Variants in TUBA1C observed in about 807,000 individuals in gnomAD.
The protein encoded by TUBA1C is tubulin alpha-1C chain.
TUBA1C carries 16 observed loss-of-function variants against 34.9 expected under a neutral mutation model. The observed-to-expected ratio is 0.46, with a 90% CI of 0.31 to 0.70. The LOEUF (loss-of-function observed/expected upper bound fraction) is 0.70, where lower values mean the gene tolerates loss of function less well. Among genes scored for constraint, TUBA1C ranks in the 30% least tolerant of loss-of-function variants. The pLI is 0.05. For synonymous variants in TUBA1C, 177 were observed against 215.9 expected, an observed-to-expected ratio of 0.82 and a Z score of 1.58; for missense variants, 329 against 587.3, an observed-to-expected ratio of 0.56 and a Z score of 4.55.
At chr12:49,239,040 C>A (rs1350454549) in intron 1 of TUBA1C, among the ~76,000 whole-genome samples, 1 of 152,172 alleles carries the variant, frequency 6.6e-6, no homozygotes, top group East Asian at 1.9e-4. Context: ...AAGTTCCAGC[C>A]CTCTGGGAAT....
At chr12:49,269,012 T>C (rs1942952748) in intron 1 of TUBA1C, among the ~76,000 whole-genome samples, 1 of 152,192 alleles carries the variant, frequency 6.6e-6, no homozygotes, top group East Asian at 1.9e-4. Context: ...TCTTCAAAGA[T>C]TTTTGCTTTT....
chr12:49,268,697 T>C (rs1942948534), intron 1 of TUBA1C, among the ~76,000 whole-genome samples: 1 of 152,242 alleles, frequency 6.6e-6, no homozygotes, highest in Admixed American at 6.5e-5. Context: ...CCACAGTTTT[T>C]AAAATACAGC....
chr12:49,255,562 T>C (rs908724701), intron 1 of TUBA1C, among the ~76,000 whole-genome samples: 17 of 151,958 alleles, frequency 1.1e-4, no homozygotes, highest in African/African-American at 4.1e-4. Context: ...GATTCGTCTT[T>C]TCTTTTTGTT....
intron 3 of TUBA1C, among the ~76,000 whole-genome samples, chr12:49,271,778 C>CT (rs1373640058): frequency 5.3e-5 from 8 of 152,200 alleles, no homozygotes; most frequent in Admixed American, 3.9e-4. Context: ...AGAAACTGCC[C>CT]TGTTCTGTGG....
At chr12:49,268,432 A>G (rs1942945238) in intron 1 of TUBA1C, among the ~76,000 whole-genome samples, 2 of 150,588 alleles carry the variant, frequency 1.3e-5, no homozygotes. Flanking sequence ...TTTAATAGAG[A>G]CAGTTTCACC....
At chr12:49,230,344 A>G (rs1386345953) in intron 1 of TUBA1C, among the ~76,000 whole-genome samples, 9 of 152,180 alleles carry the variant, frequency 5.9e-5, no homozygotes, top group Non-Finnish European at 1.0e-4. Context: ...CTAAAAACAT[A>G]GGAGAAGAAG....
At chr12:49,238,970 T>C (rs536786089) in intron 1 of TUBA1C, among the ~76,000 whole-genome samples, 2 of 152,294 alleles carry the variant, frequency 1.3e-5, no homozygotes, top group South Asian at 4.1e-4. Context: ...TAGGAATGAT[T>C]GATTAAACCA....
At chr12:49,230,418 T>C (rs1942484761) in intron 1 of TUBA1C, among the ~76,000 whole-genome samples, 2 of 152,096 alleles carry the variant, frequency 1.3e-5, no homozygotes, top group Admixed American at 1.3e-4. Context: ...GCAGGTACAG[T>C]GTTATCAGTA....
upstream of TUBA1C, chr12:49,264,840 TCCCCTTCCTCCCCTTCCTCCCCTTCC>T: frequency 9.2e-6 from 1 of 108,634 alleles, no homozygotes; most frequent in Non-Finnish European, 1.9e-5. Context: ...CTCCCCTTCC[TCCCCTTCCTCCCCTTCCTCCCCTTCC>T]TCCTCTTCCT....
intron 3 of TUBA1C, 128 bp from the exon 4 acceptor site, chr12:49,272,125 G>T (rs1942999195): frequency 1.4e-6 from 2 of 1,476,378 alleles, no homozygotes; most frequent in East Asian, 4.6e-5. Flanking sequence ...ACTGCGCCTG[G>T]CCCAGAAGAG....
Position 49,272,593 on chromosome 12 carries a change from C to T in TUBA1C, c.716C>T (p.Thr239Ile), listed in dbSNP as rs1424876091. The T allele has an allele frequency of 2.5e-6, 4 of 1,608,180 alleles. No individual in the cohort carries two copies. The highest frequency in any genetic ancestry group is 3.4e-6 in the Non-Finnish European group (4 of 1,177,712). Reference sequence around the variant, plus strand: ...ATTAGCCAGATTGTGTCCTCCATCACTGCTTCCCTGAGATTTGATGGAGCC... The same window carrying T: ...ATTAGCCAGATTGTGTCCTCCATCATTGCTTCCCTGAGATTTGATGGAGCC... ...RLISQIVSSITASLRFDGALN... is the reference protein window; with the variant it reads ...RLISQIVSSIIASLRFDGALN... The change falls in exon 4 of 4, where the codon ACT becomes ATT. Residue 239 changes from threonine to isoleucine, a missense_variant. This residue lies in a region of TUBA1C where 140 missense variants were observed against 289.8 expected (regional missense o/e 0.48). Coordinates refer to ENST00000301072, the MANE Select transcript of TUBA1C (RefSeq NM_032704.5).
chr12:49,265,970 A>AC (rs1467811205), intron 1 of TUBA1C, among the ~76,000 whole-genome samples: 2 of 141,344 alleles, frequency 1.4e-5, no homozygotes, highest in Admixed American at 1.4e-4. Flanking sequence ...AAAAAAAAAA[A>AC]AACAAAAAAA....
At chr12:49,256,151 G>A (rs1942782556) in intron 1 of TUBA1C, among the ~76,000 whole-genome samples, 1 of 152,204 alleles carries the variant, frequency 6.6e-6, no homozygotes, top group African/African-American at 2.4e-5. Flanking sequence ...TGTGCTTGGG[G>A]TTAGGCCCTC....
At chr12:49,232,889 A>G (rs1451201695) in intron 1 of TUBA1C, 2 of 152,174 alleles carry the variant, frequency 1.3e-5, no homozygotes, top group Non-Finnish European at 2.9e-5. Flanking sequence ...ACTTAACGGC[A>G]TGTTAAAATT....
At chr12:49,252,148 A>G (rs1435141300) in intron 1 of TUBA1C, among the ~76,000 whole-genome samples, 2 of 152,124 alleles carry the variant, frequency 1.3e-5, no homozygotes, top group African/African-American at 4.8e-5. Context: ...TATAGATTAA[A>G]CTCCAGAATA....
intron 1 of TUBA1C, among the ~76,000 whole-genome samples, chr12:49,235,981 A>C (rs1404613024): frequency 6.6e-6 from 1 of 152,202 alleles, no homozygotes; most frequent in African/African-American, 2.4e-5. Context: ...CAGGGACAGA[A>C]ATCACAATGT....
chr12:49,243,948 A>G (rs1942642999), intron 1 of TUBA1C, among the ~76,000 whole-genome samples: 1 of 152,036 alleles, frequency 6.6e-6, no homozygotes, highest in African/African-American at 2.4e-5. Flanking sequence ...TCAGGATGTC[A>G]AGACCAGTCT....
intron 1 of TUBA1C, among the ~76,000 whole-genome samples, chr12:49,247,767 G>A (rs1281306690): frequency 1.3e-5 from 2 of 150,956 alleles, no homozygotes; most frequent in Non-Finnish European, 3.0e-5. Context: ...CCAGCATGGT[G>A]AAACCCCGTC....
intron 1 of TUBA1C, among the ~76,000 whole-genome samples, chr12:49,238,109 C>CAAA (rs759147395): frequency 2.9e-5 from 3 of 103,754 alleles, no homozygotes; most frequent in African/African-American, 6.7e-5. Context: ...GATTCCGCCT[C>CAAA]AAAAAAAAAA....
Sources: gnomAD v4.1 joint callset for allele counts (sites outside exome capture counted in the v4.1 genomes callset) on GRCh38, gnomAD v4.1.1 for gene constraint, gnomAD v4.1.1 regional missense constraint, MANE v1.5 for transcripts, NCBI Gene and HGNC (gene_info 2026-07-23, HGNC 2026-07-21) for gene names.